TBCE: variants seen among roughly 807,000 people sequenced by gnomAD.
TBCE encodes tubulin folding cofactor E, also known as tubulin-specific chaperone E.
A neutral mutation model predicts 77.0 loss-of-function variants in TBCE; 53 were observed. That is an observed-to-expected ratio of 0.69 (90% CI 0.55 to 0.87). The LOEUF is 0.87. Ranked by LOEUF, TBCE falls within the 40% of genes least tolerant of loss-of-function variation. The probability of loss-of-function intolerance (pLI) is 0.00; values close to 1 mark genes in which losing one functional copy is unlikely to be tolerated. For missense variants in TBCE, 624 were observed against 622.4 expected (o/e 1.00, Z -0.03); for synonymous variants, 235 against 241.3 (o/e 0.97, Z 0.24).
chr1:235,429,934 T>A (rs1680989079), intron 6 of TBCE: 1 of 152,342 alleles, frequency 6.6e-6, no homozygotes, highest in Non-Finnish European at 1.5e-5. Flanking sequence ...GCCAGGCTAG[T>A]CTTGAACTCC....
intron 3 of TBCE, among the ~76,000 whole-genome samples, chr1:235,403,714 G>A (rs1260250710): frequency 6.6e-6 from 1 of 152,174 alleles, no homozygotes; most frequent in Non-Finnish European, 1.5e-5. Context: ...GGAAGCCTTG[G>A]TTCAGGGACA....
At chr1:235,370,734 C>T (rs1676870429) in intron 1 of TBCE, among the ~76,000 whole-genome samples, 1 of 145,926 alleles carries the variant, frequency 6.9e-6, no homozygotes, top group African/African-American at 2.6e-5. Context: ...CTTTTTTCCT[C>T]CTTGTCTTTT....
At chr1:235,398,771 C>A (rs927277925) in intron 2 of TBCE, among the ~76,000 whole-genome samples, 2 of 133,602 alleles carry the variant, frequency 1.5e-5, no homozygotes, top group African/African-American at 5.4e-5. Flanking sequence ...GTCCCAGCTA[C>A]TCGGAAGGCT....
At chr1:235,391,670 G>C (rs1016465879) in intron 2 of TBCE, among the ~76,000 whole-genome samples, 1 of 128,492 alleles carries the variant, frequency 7.8e-6, no homozygotes, top group Non-Finnish European at 1.5e-5. Context: ...GCAGTGGTAC[G>C]ATCTCTGCTC....
At chr1:235,379,370 A>G (rs1677477772) in intron 1 of TBCE, among the ~76,000 whole-genome samples, 1 of 152,056 alleles carries the variant, frequency 6.6e-6, no homozygotes, top group Admixed American at 6.6e-5. Flanking sequence ...TATACTAAAA[A>G]TACAAAACAA....
At chr1:235,448,638 C>A in intron 16 of TBCE, 32 bp from the exon 17 acceptor site, 1 of 1,576,824 alleles carries the variant, frequency 6.3e-7, no homozygotes, top group Non-Finnish European at 8.7e-7. Context: ...CTGTCTTAAT[C>A]ACATCCTTCC....
intron 4 of TBCE, 65 bp from the exon 5 acceptor site, chr1:235,419,408 T>A: frequency 6.2e-7 from 1 of 1,611,746 alleles, no homozygotes; most frequent in Non-Finnish European, 8.5e-7. Context: ...TGTGTTTAAT[T>A]TTTTAAAGGG....
At chr1:235,439,453 A>G (rs927344654) in intron 13 of TBCE, among the ~76,000 whole-genome samples, 13 of 151,432 alleles carry the variant, frequency 8.6e-5, no homozygotes, top group African/African-American at 2.4e-4. Flanking sequence ...CCGAGATCAC[A>G]CCACTGTACT....
At chr1:235,373,683 C>G (rs1677115783) in intron 1 of TBCE, among the ~76,000 whole-genome samples, 1 of 151,594 alleles carries the variant, frequency 6.6e-6, no homozygotes, top group Non-Finnish European at 1.5e-5. Flanking sequence ...GAGTCTCGCT[C>G]TGTCGCCCAG....
intron 15 of TBCE, among the ~76,000 whole-genome samples, chr1:235,444,950 A>G (rs1682144901): frequency 6.6e-6 from 1 of 152,264 alleles, no homozygotes; most frequent in African/African-American, 2.4e-5. Flanking sequence ...TGGGGGTGAC[A>G]GTGCCGCCTT....
At chr1:235,427,357 G>T in intron 6 of TBCE, 118 bp downstream of exon 6, 1 of 756,880 alleles carries the variant, frequency 1.3e-6, no homozygotes, top group Non-Finnish European at 2.3e-6. Context: ...GCCACCTGAT[G>T]ATACAGGAGT....
At chr1:235,375,120 C>T (rs1468832046) in intron 1 of TBCE, among the ~76,000 whole-genome samples, 1 of 151,566 alleles carries the variant, frequency 6.6e-6, no homozygotes, top group Non-Finnish European at 1.5e-5. Context: ...TGGGGTTTTG[C>T]TGTGTTAGCC....
chr1:235,425,344 C>T (rs1006597881), intron 5 of TBCE, among the ~76,000 whole-genome samples: 1 of 152,146 alleles, frequency 6.6e-6, no homozygotes, highest in African/African-American at 2.4e-5. Flanking sequence ...GCCCCACTTC[C>T]AGAGTCAGAC....
intron 2 of TBCE, among the ~76,000 whole-genome samples, chr1:235,392,928 A>G (rs1010644412): frequency 6.6e-6 from 1 of 151,704 alleles, no homozygotes; most frequent in African/African-American, 2.4e-5. Flanking sequence ...AGGTGGGAGG[A>G]TTGCTTGAGC....
intron 3 of TBCE, among the ~76,000 whole-genome samples, chr1:235,410,045 C>CA (rs560387682): frequency 2.0e-3 from 281 of 143,756 alleles, no homozygotes; most frequent in South Asian, 4.5e-3. Flanking sequence ...AAAACAAAAA[C>CA]AAAAAAAACA....
At chr1:235,421,094 A>T (rs1377834299) in intron 5 of TBCE, among the ~76,000 whole-genome samples, 5 of 152,154 alleles carry the variant, frequency 3.3e-5, no homozygotes, top group Non-Finnish European at 7.3e-5. Flanking sequence ...CTGTAAGCAA[A>T]AATGTTGGAG....
chr1:235,369,892 C>T (rs1476968041), intron 1 of TBCE, among the ~76,000 whole-genome samples: 2 of 151,914 alleles, frequency 1.3e-5, no homozygotes, highest in African/African-American at 4.8e-5. Context: ...TCCTATGTGA[C>T]CTAGCCCTGC....
At chr1:235,446,760 C>T (rs377343653) in intron 15 of TBCE, among the ~76,000 whole-genome samples, 31 of 150,204 alleles carry the variant, frequency 2.1e-4, no homozygotes, top group African/African-American at 5.4e-4. Flanking sequence ...TACAGTGGCG[C>T]GATCATGGCT....
At chr1:235,397,573 C>G (rs972153555) in intron 2 of TBCE, among the ~76,000 whole-genome samples, 21 of 152,100 alleles carry the variant, frequency 1.4e-4, no homozygotes, top group Admixed American at 4.6e-4. Flanking sequence ...ATTTTTAATT[C>G]TTGTGATGTC....
Sources: gnomAD v4.1 joint callset for allele counts (sites outside exome capture counted in the v4.1 genomes callset) on GRCh38, gnomAD v4.1.1 for gene constraint, MANE v1.5 for transcripts, NCBI Gene and HGNC (gene_info 2026-07-23, HGNC 2026-07-21) for gene names.